Variants in CA12 observed in about 807,000 individuals in gnomAD.
The protein encoded by CA12 is carbonate dehydratase XII.
Under a neutral mutation model 46.8 loss-of-function variants are expected in CA12, and 36 were observed. That is an observed-to-expected ratio of 0.77 (90% confidence interval 0.59 to 1.02). CA12 has a LOEUF of 1.02. CA12 is among the 50% of genes least tolerant of loss of function. The pLI, the probability that CA12 is intolerant of heterozygous loss-of-function variation, is 0.00. For missense variants in CA12, 436 were observed against 451.4 expected, an observed-to-expected ratio of 0.97 and a Z score of 0.31; for synonymous variants, 202 against 187.0, an observed-to-expected ratio of 1.08 and a Z score of -0.65.
chr15:63,375,406 A>G (rs190685023), intron 2 of CA12: 14 of 412,008 alleles, frequency 3.4e-5, no homozygotes, highest in African/African-American at 2.8e-4. Context: ...CCTTGCAGGA[A>G]TCTGAAGCCT....
rs2038924753 is a variant in CA12, at chr15:63,330,523, G to A, written c.875-2393C>T. ...ACCACCTGGCTAAGCCATCCAGGCT[G>A]GATGGTTTCTAAAGTCATCTCTTTC... On this transcript the variant is annotated intron_variant, in intron 8 of 10. Transcript: ENST00000178638. The surrounding 1 kb of genome is among the most constrained non-coding windows in gnomAD (Gnocchi z 4.0). Among the ~76,000 whole-genome samples, 1 of 152,176 alleles carries A rather than the reference G, an allele frequency of 6.6e-6. No homozygotes were observed. Among genetic ancestry groups the A allele is most frequent in the African/African-American group, 2.4e-5 (1 of 41,444 alleles).
At chr15:63,366,545 G>A (rs2039437282) in intron 2 of CA12, among the ~76,000 whole-genome samples, 1 of 152,146 alleles carries the variant, frequency 6.6e-6, no homozygotes, top group Non-Finnish European at 1.5e-5. Flanking sequence ...CATTTCCTGA[G>A]TACCAATACT....
At chr15:63,380,939 A>G (rs2039636438) in intron 1 of CA12, among the ~76,000 whole-genome samples, 1 of 152,050 alleles carries the variant, frequency 6.6e-6, no homozygotes, top group East Asian at 1.9e-4. Context: ...CTGTCACTCC[A>G]CGGAGCCTCC....
intron 4 of CA12, among the ~76,000 whole-genome samples, chr15:63,342,775 C>T (rs759893331): frequency 1.3e-5 from 2 of 152,178 alleles, no homozygotes; most frequent in Non-Finnish European, 2.9e-5. Flanking sequence ...TTGGTTTACA[C>T]AACCCATGCA....
intron 2 of CA12, among the ~76,000 whole-genome samples, chr15:63,366,126 G>C (rs2039432213): frequency 7.5e-6 from 1 of 133,872 alleles, no homozygotes; most frequent in Non-Finnish European, 1.6e-5. Flanking sequence ...GGGTGACAGA[G>C]CGAGACTATC....
At position 63,326,347 on chromosome 15, in the gene CA12, CT is replaced by C. The variant is rs765638256; in HGVS notation, c.1002del (p.Gly335ValfsTer108). 3.1e-6 allele frequency: 5 copies of C among 1,613,416 alleles called. No individual in the cohort carries two copies. Among genetic ancestry groups the C allele is most frequent in the Non-Finnish European group, 4.2e-6 (5 of 1,179,426 alleles). The stretch of plus-strand genomic sequence containing the variant: ...TTGTAAATGACTCCCTTGTTATCAC[CT>C]TTTTTGATACTAGAACAGAAAGAAC... ...IWLFRRKSIK[K>X]GDNKGVIYKP... On this transcript the variant is annotated frameshift_variant, in exon 11 of 11. Transcript: ENST00000178638. LOFTEE classifies it high-confidence loss of function.
chr15:63,359,471 C>G (rs1468268248), intron 2 of CA12, among the ~76,000 whole-genome samples: 1 of 152,072 alleles, frequency 6.6e-6, no homozygotes, highest in African/African-American at 2.4e-5. Flanking sequence ...CTCTCACACC[C>G]TCTACTGTGT....
intron 8 of CA12, among the ~76,000 whole-genome samples, chr15:63,333,315 T>C (rs561428876): frequency 1.1e-3 from 162 of 152,342 alleles, no homozygotes; most frequent in African/African-American, 3.8e-3. Flanking sequence ...CCATTGTCTT[T>C]CCTGAACATA....
rs141409964 is a variant in CA12, at chr15:63,372,891, C to A, written c.106+2767G>T. Among the ~76,000 whole-genome samples, 261 of 152,350 alleles carry A rather than the reference C, an allele frequency of 1.7e-3. 1 individual carries two copies. Among genetic ancestry groups the A allele is most frequent in the African/African-American group, 5.5e-3 (230 of 41,580 alleles). On this transcript the variant is annotated intron_variant, in intron 2 of 10. Transcript: ENST00000178638. The surrounding 1 kb of genome is among the most constrained non-coding windows in gnomAD (Gnocchi z 4.5). ...TGTGCTTACCCCATGCATGTCCATG[C>A]ATCATTAGACTCTGCCCTCTGCTTC... is the stretch of plus-strand genomic sequence containing the variant.
chr15:63,334,242 C>CTTTTTTTTTTTTTTT (rs71131163), intron 8 of CA12, among the ~76,000 whole-genome samples: 2 of 64,958 alleles, frequency 3.1e-5, no homozygotes, highest in African/African-American at 7.2e-5. Flanking sequence ...GGAAGAGGCA[C>CTTTTTTTTTTTTTTT]TTTTTTTTTT....
Position 63,346,627 on chromosome 15 carries a change from G to C in CA12, c.189C>G (p.Asp63Glu). ...TGAGGCTGGCGTCATACTGGAGGATGTCACTGTGCAGGTCTATGGGGGACT... is the reference window on the plus strand; with the variant it reads ...TGAGGCTGGCGTCATACTGGAGGATCTCACTGTGCAGGTCTATGGGGGACT... ...LLQSPIDLHS[D>E]ILQYDASLTP... The change falls in exon 3 of 11, where the codon GAC (aspartate) becomes GAG (glutamate). Residue 63 changes from aspartate to glutamate, a missense_variant. Coordinates refer to ENST00000178638, the MANE Select transcript of CA12 (RefSeq NM_001218.5). 2 of 1,613,990 alleles carry C rather than the reference G, an allele frequency of 1.2e-6. No homozygotes were observed. Among genetic ancestry groups the C allele is most frequent in the Non-Finnish European group, 1.7e-6 (2 of 1,179,942 alleles).
At chr15:63,343,901 C>T (rs561273770) in intron 4 of CA12, among the ~76,000 whole-genome samples, 9 of 151,858 alleles carry the variant, frequency 5.9e-5, no homozygotes, top group South Asian at 2.1e-4. Context: ...CTAAATAAGA[C>T]GGCTACAAAG....
intron 8 of CA12, among the ~76,000 whole-genome samples, chr15:63,335,046 T>C (rs985415867): frequency 6.6e-6 from 1 of 152,200 alleles, no homozygotes; most frequent in Non-Finnish European, 1.5e-5. Flanking sequence ...GCAGAAACCC[T>C]GGGGCAGTGG....
chr15:63,367,080 C>T (rs1346816539), intron 2 of CA12, among the ~76,000 whole-genome samples: 1 of 152,144 alleles, frequency 6.6e-6, no homozygotes, highest in African/African-American at 2.4e-5. Flanking sequence ...GCCACAATGC[C>T]TGGCTAATTT....
intron 2 of CA12, among the ~76,000 whole-genome samples, chr15:63,360,926 G>A (rs961015273): frequency 6.6e-6 from 1 of 152,216 alleles, no homozygotes; most frequent in Non-Finnish European, 1.5e-5. Context: ...AGCCCACAAA[G>A]GGATTCATTA....
intron 1 of CA12, among the ~76,000 whole-genome samples, chr15:63,380,771 G>A (rs896812446): frequency 1.1e-4 from 17 of 152,122 alleles, no homozygotes; most frequent in Admixed American, 1.0e-3. Flanking sequence ...CACCACCACT[G>A]CCTCGCCAGG....
chr15:63,358,926 AC>A (rs1567050584), intron 2 of CA12, among the ~76,000 whole-genome samples: 1 of 151,294 alleles, frequency 6.6e-6, no homozygotes, highest in Non-Finnish European at 1.5e-5. Flanking sequence ...GGTGGCACTA[AC>A]CCCCCACTCC....
At chr15:63,349,885 G>C (rs146187971) in intron 2 of CA12, among the ~76,000 whole-genome samples, 60 of 152,228 alleles carry the variant, frequency 3.9e-4, no homozygotes, top group Admixed American at 1.2e-3. Context: ...TTTCATGCTT[G>C]TTCCTTTCCC....
At position 63,381,805 on chromosome 15, in the gene CA12, G is replaced by T. The variant is rs1388054055; in HGVS notation, c.-85C>A. 20 of 908,772 alleles carry T rather than the reference G, an allele frequency of 2.2e-5. No individual in the cohort carries two copies. Among genetic ancestry groups the T allele is most frequent in the Non-Finnish European group, 2.9e-5 (19 of 646,552 alleles). The allele number at this position is 908,772 out of a possible 1,614,324, so 56.3% of individuals were successfully genotyped here. A position where few individuals can be genotyped will look rare whatever the true frequency, so the allele number is the denominator to read the frequency against. On this transcript the variant is annotated 5_prime_UTR_variant, in exon 1 of 11. Transcript: ENST00000178638. ...CTCTCCAGCTGCACACCGGGACCGC[G>T]TGCGCGCAGCCTGGGTGCCGTGGCG...
Sources: gnomAD v4.1 joint callset for allele counts (sites outside exome capture counted in the v4.1 genomes callset) on GRCh38, gnomAD v4.1.1 for gene constraint, Gnocchi (gnomAD v3.1) non-coding constraint, MANE v1.5 for transcripts, NCBI Gene and HGNC (gene_info 2026-07-23, HGNC 2026-07-21) for gene names.